The following BSN variants were observed in gnomAD, a reference collection of about 807,000 sequenced individuals.
BSN encodes the protein protein bassoon.
A neutral mutation model predicts 264.8 loss-of-function variants in BSN; 57 were observed. The observed-to-expected ratio is 0.22, with a 90% CI of 0.17 to 0.27. The LOEUF (loss-of-function observed/expected upper bound fraction) is 0.27, where lower values mean the gene tolerates loss of function less well. BSN is among the 10% of genes least tolerant of loss of function. The pLI, the probability that BSN is intolerant of heterozygous loss-of-function variation, is 1.00. For missense variants in BSN, 4,615 were observed against 5,232.5 expected (o/e 0.88, Z 3.64); for synonymous variants, 2,059 against 2,137.3 (o/e 0.96, Z 1.01).
Position 49,625,443 on chromosome 3 carries a change from G to C in BSN, c.633+60G>C. On this transcript the variant is annotated intron_variant, in intron 2 of 11. Transcript: ENST00000296452. The surrounding 1 kb of genome is among the most constrained non-coding windows in gnomAD (Gnocchi z 4.4). ...CTACCTCATTACCATACCTCCCCTGGTTCCCTTCCCCTCTTTCACCAACTC... is the reference window on the plus strand; with the variant it reads ...CTACCTCATTACCATACCTCCCCTGCTTCCCTTCCCCTCTTTCACCAACTC... 7.2e-7 allele frequency: 1 copy of C among 1,382,284 alleles called. No homozygotes were observed. Among genetic ancestry groups the C allele is most frequent in the Non-Finnish European group, 9.4e-7 (1 of 1,061,640 alleles). The allele number at this position is 1,382,284 out of a possible 1,614,324, so 85.6% of individuals were successfully genotyped here. A position where few individuals can be genotyped will look rare whatever the true frequency, so the allele number is the denominator to read the frequency against.
chr3:49,636,249 A>G (rs2052419535), intron 2 of BSN, among the ~76,000 whole-genome samples: 1 of 152,118 alleles, frequency 6.6e-6, no homozygotes, highest in African/African-American at 2.4e-5. Flanking sequence ...GGCCAGGATA[A>G]AGGGGCCTGG....
At chr3:49,615,723 T>C (rs1014867907) in intron 1 of BSN, among the ~76,000 whole-genome samples, 1 of 152,184 alleles carries the variant, frequency 6.6e-6, no homozygotes, top group Non-Finnish European at 1.5e-5. Context: ...TGCAAATTCT[T>C]TTTGGCCCCT....
chr3:49,578,158 AG>A, intron 1 of BSN, among the ~76,000 whole-genome samples: 1 of 152,300 alleles, frequency 6.6e-6, no homozygotes, highest in Non-Finnish European at 1.5e-5. Flanking sequence ...TGGGGGCTGT[AG>A]GCTCGGCTAT....
At chr3:49,601,275 G>T (rs888433368) in intron 1 of BSN, among the ~76,000 whole-genome samples, 1 of 152,162 alleles carries the variant, frequency 6.6e-6, no homozygotes, top group Admixed American at 6.5e-5. Context: ...CAGAGTAAGT[G>T]GTCTGCAGTG....
At position 49,554,701 on chromosome 3, in the gene BSN, A is replaced by C; in HGVS notation, c.99A>C (p.Ala33=). The C allele has an allele frequency of 1.8e-6, 2 of 1,138,918 alleles. No homozygotes were observed. The highest frequency in any genetic ancestry group is 4.5e-5 in the East Asian group (1 of 22,442). The allele number at this position is 1,138,918 out of a possible 1,614,324, so 70.6% of individuals were successfully genotyped here. ...PGPGPGPGPG[A]GKPPSAPAGG... ...CGGGCCCCGGCCCCGGCCCCGGCGCAGGAAAGCCGCCTTCAGCACCGGCCG... is the reference window on the plus strand; with the variant it reads ...CGGGCCCCGGCCCCGGCCCCGGCGCCGGAAAGCCGCCTTCAGCACCGGCCG... The change falls in exon 1 of 12, where the codon GCA becomes GCC. Residue 33 remains alanine, a synonymous_variant. Coordinates refer to ENST00000296452, the MANE Select transcript of BSN (RefSeq NM_003458.4).
chr3:49,554,896 C>T lies in BSN; in HGVS notation c.224+70C>T, dbSNP rs555686888. The T allele has an allele frequency of 5.1e-6, 5 of 972,704 alleles. No homozygotes were observed. In the Admixed American group the frequency reaches 2.3e-4, roughly 45 times the overall value. The allele number at this position is 972,704 out of a possible 1,614,324, so 60.3% of individuals were successfully genotyped here. ...GAGGCCGGGACCCGGGCCCAGGATC[C>T]CGCGATCTAGTGTGGACAGCGAGGT... On this transcript the variant is annotated intron_variant, in intron 1 of 11. Transcript: ENST00000296452.
At position 49,662,224 on chromosome 3, in the gene BSN, G is replaced by A; in HGVS notation, c.10379G>A (p.Ser3460Asn). Residue 3460 changes from serine to asparagine, a missense_variant, in exon 6 of 12, where the codon AGT (serine) becomes AAT (asparagine). Ser to Asn is a conservative substitution (Grantham distance 46). Around this residue, in one of 3 missense-constraint regions of BSN, gnomAD observed 3,415 missense variants for 3,866.4 expected, o/e 0.88. Transcript: ENST00000296452. ...GAGAAGCTGTCCAGCCACGACTTCA[G>A]TGGCTGGGGCAAGGGGTACGAAAGG... ...SGEKLSSHDF[S>N]GWGKGYERER... 15 of 1,613,732 alleles carry A rather than the reference G, an allele frequency of 9.3e-6. No individual in the cohort carries two copies. Among genetic ancestry groups the A allele is most frequent in the Non-Finnish European group, 1.3e-5 (15 of 1,179,918 alleles).
intron 1 of BSN, among the ~76,000 whole-genome samples, chr3:49,620,300 C>A (rs2052294893): frequency 6.6e-6 from 1 of 152,148 alleles, no homozygotes; most frequent in African/African-American, 2.4e-5. Context: ...TGGCACATGC[C>A]TGTAGTCCCA....
At chr3:49,575,134 G>A (rs2051833019) in intron 1 of BSN, among the ~76,000 whole-genome samples, 1 of 151,940 alleles carries the variant, frequency 6.6e-6, no homozygotes, top group South Asian at 2.1e-4. Context: ...ATCACTTGAG[G>A]TCAGGCTTGA....
At position 49,652,853 on chromosome 3, in the gene BSN, C is replaced by T; in HGVS notation, c.3297C>T (p.Pro1099=). The T allele has an allele frequency of 6.2e-7, 1 of 1,604,082 alleles. No homozygotes were observed. Among genetic ancestry groups the T allele is most frequent in the African/African-American group, 1.3e-5 (1 of 74,760 alleles). ...AGACACCACCCAGTAACTTGTCACC[C>T]ATCGAGGATGCCTCCCCGACGGAGG... is the stretch of plus-strand genomic sequence containing the variant. ...RSKTPPSNLS[P]IEDASPTEEL... The change falls in exon 5 of 12, where the codon CCC becomes CCT. Residue 1099 remains proline (P), a synonymous_variant. Transcript: ENST00000296452.
Position 49,655,605 on chromosome 3 carries a change from A to C in BSN, c.6049A>C (p.Ser2017Arg), listed in dbSNP as rs772192816. The C allele has an allele frequency of 1.9e-6, 3 of 1,613,660 alleles. No homozygotes were observed. The East Asian group carries it at 6.7e-5, about 36-fold the overall frequency. The change falls in exon 5 of 12, where the codon AGC becomes CGC. Residue 2017 changes from serine to arginine, a missense_variant. Ser to Arg is a moderately radical substitution (Grantham distance 110, BLOSUM62 -1). Around this residue, in one of 3 missense-constraint regions of BSN, gnomAD observed 3,415 missense variants for 3,866.4 expected, o/e 0.88. Coordinates refer to ENST00000296452, the MANE Select transcript of BSN (RefSeq NM_003458.4). ...TGGACGAGACTCGGCTATGGACCTC[A>C]GCTCACTGAAGCACTCCTACAGCCT... ...GPGRDSAMDL[S>R]SLKHSYSLGF...
intron 1 of BSN, among the ~76,000 whole-genome samples, chr3:49,620,838 T>C (rs992973411): frequency 6.6e-6 from 1 of 151,952 alleles, no homozygotes; most frequent in African/African-American, 2.4e-5. Flanking sequence ...TACAAAAAAT[T>C]AGCGAAGCAT....
At chr3:49,620,116 G>A (rs1484332087) in intron 1 of BSN, among the ~76,000 whole-genome samples, 2 of 152,114 alleles carry the variant, frequency 1.3e-5, no homozygotes, top group Non-Finnish European at 2.9e-5. Context: ...TAGATTCAGG[G>A]TAAGTGTCCC....
In BSN at chr3:49,670,351, C is replaced by T. The variant is rs2052746367; in HGVS notation, c.*2866C>T. On this transcript the variant is annotated 3_prime_UTR_variant, in exon 12 of 12. Transcript: ENST00000296452. ...GGCAGGGAAATGTTAGGAGGTCAGCCTCCAGCAGGCCTAGTCTCAGGCTCT... is the reference window on the plus strand; with the variant it reads ...GGCAGGGAAATGTTAGGAGGTCAGCTTCCAGCAGGCCTAGTCTCAGGCTCT... 6.6e-6 allele frequency: 1 copy of T among 152,242 alleles called. No individual in the cohort carries two copies. Among genetic ancestry groups the T allele is most frequent in the African/African-American group, 2.4e-5 (1 of 41,462 alleles). The allele number at this position is 152,242 out of a possible 1,614,324, so 9.4% of individuals were successfully genotyped here.
intron 1 of BSN, among the ~76,000 whole-genome samples, chr3:49,587,346 C>A (rs1388840206): frequency 6.6e-6 from 1 of 152,128 alleles, no homozygotes; most frequent in Admixed American, 6.6e-5. Flanking sequence ...AAGACCATAT[C>A]ATCAGTAAAC....
chr3:49,555,223 G>A, intron 1 of BSN, among the ~76,000 whole-genome samples: 1 of 152,216 alleles, frequency 6.6e-6, no homozygotes, highest in East Asian at 1.9e-4. Flanking sequence ...GTGCTGGGCC[G>A]AGAAAACAGC....
At chr3:49,571,001 C>T (rs2108006968) in intron 1 of BSN, among the ~76,000 whole-genome samples, 1 of 152,280 alleles carries the variant, frequency 6.6e-6, no homozygotes, top group South Asian at 2.1e-4. Context: ...CAAAGTTTGG[C>T]AGGGAATGTG....
At position 49,657,553 on chromosome 3, in the gene BSN, T is replaced by C. The variant is rs774264182; in HGVS notation, c.7997T>C (p.Ile2666Thr). 1.2e-6 allele frequency: 2 copies of C among 1,613,046 alleles called. No homozygotes were observed. The highest frequency in any genetic ancestry group is 1.3e-5 in the African/African-American group (1 of 74,934). ...GTGAGGGCCATGAGCAGCGTGGGCATCCAGACCATCAGTGACTGCTCCGTG... is the reference window on the plus strand; with the variant it reads ...GTGAGGGCCATGAGCAGCGTGGGCACCCAGACCATCAGTGACTGCTCCGTG... ...ATVRAMSSVGIQTISDCSVQT... is the reference protein window; with the variant it reads ...ATVRAMSSVGTQTISDCSVQT... Residue 2666 changes from isoleucine (I) to threonine (T), a missense_variant, in exon 5 of 12, where the codon ATC becomes ACC. Coordinates refer to ENST00000296452, the MANE Select transcript of BSN (RefSeq NM_003458.4).
At chr3:49,636,936 A>T (rs974592155) in intron 2 of BSN, among the ~76,000 whole-genome samples, 2 of 152,214 alleles carry the variant, frequency 1.3e-5, no homozygotes, top group African/African-American at 4.8e-5. Context: ...TCCAGGGGGC[A>T]TGGGAAGGTA....
Sources: gnomAD v4.1 joint callset for allele counts (sites outside exome capture counted in the v4.1 genomes callset) on GRCh38, gnomAD v4.1.1 for gene constraint, gnomAD v4.1.1 regional missense constraint, Gnocchi (gnomAD v3.1) non-coding constraint, MANE v1.5 for transcripts, NCBI Gene and HGNC (gene_info 2026-07-23, HGNC 2026-07-21) for gene names.